The following POLR1C variants were observed in gnomAD, a reference collection of about 807,000 sequenced individuals.
The protein encoded by POLR1C is DNA-directed RNA polymerases I and III subunit RPAC1.
A neutral mutation model predicts 38.3 loss-of-function variants in POLR1C; 42 were observed. That is an observed-to-expected ratio of 1.10 (90% CI 0.86 to 1.42). The LOEUF is 1.42. POLR1C is among the 40% of genes most tolerant of loss of function. The pLI is 0.00. For missense variants in POLR1C, 507 were observed against 450.5 expected (o/e 1.13, Z -1.14); for synonymous variants, 163 against 163.9 (o/e 0.99, Z 0.04).
downstream of POLR1C, chr6:43,530,697 G>T: frequency 6.2e-7 from 1 of 1,613,928 alleles, no homozygotes; most frequent in Non-Finnish European, 8.5e-7. Flanking sequence ...TGAAGCATGG[G>T]TCTGAGTCGG....
At chr6:43,562,169 C>G (rs1036965746) in exon 11 of POLR1C, 3 of 1,134,636 alleles carry the variant, frequency 2.6e-6, no homozygotes, top group East Asian at 2.6e-5. Context: ...ACATTTGCAA[C>G]CCCTCATTGA....
intron 9 of POLR1C, chr6:43,549,956 GGTCACTCAT>G (rs1582224499): frequency 6.2e-7 from 1 of 1,610,064 alleles, no homozygotes; most frequent in African/African-American, 1.3e-5. Context: ...GAGGAAAAAA[GGTCACTCAT>G]GTTTATTTGT....
intron 9 of POLR1C, chr6:43,548,499 G>A: frequency 6.9e-7 from 1 of 1,457,976 alleles, no homozygotes; most frequent in Non-Finnish European, 9.1e-7. Context: ...GGTGGTAAAG[G>A]TCTGATTTTC....
chr6:43,529,848 C>G (rs1184091667), downstream of POLR1C, among the ~76,000 whole-genome samples: 1 of 150,228 alleles, frequency 6.7e-6, no homozygotes, highest in Non-Finnish European at 1.5e-5. Flanking sequence ...ATCACTTGAG[C>G]CTGCACTGAG....
At chr6:43,552,083 A>G (rs992162559) in intron 10 of POLR1C, among the ~76,000 whole-genome samples, 4 of 152,114 alleles carry the variant, frequency 2.6e-5, no homozygotes, top group Admixed American at 6.5e-5. Flanking sequence ...CAGCTACTTT[A>G]TTTATATATC....
At chr6:43,539,510 T>A (rs567439942) in intron 9 of POLR1C, 2 of 1,560,192 alleles carry the variant, frequency 1.3e-6, no homozygotes, top group African/African-American at 2.7e-5. Context: ...GCGGCCCAGC[T>A]TGGTGACGGG....
chr6:43,518,498 C>G (rs183336936), intron 2 of POLR1C, among the ~76,000 whole-genome samples: 1 of 152,134 alleles, frequency 6.6e-6, no homozygotes, highest in East Asian at 1.9e-4. Context: ...GAAATGAGAT[C>G]AGAAGTGAGA....
chr6:43,522,833 A>G, downstream of POLR1C: 1 of 308,136 alleles, frequency 3.2e-6, no homozygotes, highest in Non-Finnish European at 7.5e-6. Flanking sequence ...CAGGTCCCGT[A>G]TCCATGTCCT....
At chr6:43,556,366 A>C (rs1762088861) in intron 10 of POLR1C, among the ~76,000 whole-genome samples, 3 of 152,044 alleles carry the variant, frequency 2.0e-5, no homozygotes, top group South Asian at 4.2e-4. Flanking sequence ...TCTACCAAAA[A>C]ATACAAAAAG....
At chr6:43,531,646 C>A, downstream of POLR1C, 1 of 1,339,928 alleles carries the variant, frequency 7.5e-7, no homozygotes, top group Non-Finnish European at 1.1e-6. Context: ...CACTCTACAG[C>A]AGGAAGCTGT....
At chr6:43,526,622 T>C in intron 8 of POLR1C, 1 of 1,588,862 alleles carries the variant, frequency 6.3e-7, no homozygotes, top group Non-Finnish European at 8.6e-7. Context: ...ACTGACCTGG[T>C]TCAGAAGGAA....
downstream of POLR1C, among the ~76,000 whole-genome samples, chr6:43,530,480 A>G (rs149365486): frequency 1.6e-3 from 241 of 152,226 alleles, no homozygotes; most frequent in African/African-American, 5.4e-3. Context: ...GTAAAAATTT[A>G]CCCCTAAGGA....
intron 10 of POLR1C, chr6:43,555,677 T>A: frequency 1.3e-6 from 1 of 760,346 alleles, no homozygotes; most frequent in Admixed American, 3.4e-5. Flanking sequence ...TTTCTTTGTG[T>A]CAGCCAATGA....
At chr6:43,518,591 G>A (rs1455907436) in intron 2 of POLR1C, among the ~76,000 whole-genome samples, 2 of 152,186 alleles carry the variant, frequency 1.3e-5, no homozygotes, top group Non-Finnish European at 2.9e-5. Flanking sequence ...ACAAGAACCT[G>A]GCAAATTTAG....
At chr6:43,548,339 T>C in intron 9 of POLR1C, 2 of 1,613,672 alleles carry the variant, frequency 1.2e-6, no homozygotes, top group Middle Eastern at 1.7e-4. Flanking sequence ...ACGCTCGTAG[T>C]TCTTAAATTG....
chr6:43,558,855 T>A (rs902283707), intron 10 of POLR1C: 5 of 346,086 alleles, frequency 1.4e-5, no homozygotes, highest in African/African-American at 1.1e-4. Context: ...TGAATTCTTT[T>A]AAGGTCCCCA....
At chr6:43,555,703 A>C in intron 10 of POLR1C, 1 of 1,133,352 alleles carries the variant, frequency 8.8e-7, no homozygotes, top group South Asian at 2.5e-5. Flanking sequence ...CTCCCTCTCC[A>C]GGATGAGCAA....
intron 10 of POLR1C, chr6:43,551,563 C>A (rs1469499205): frequency 2.9e-6 from 4 of 1,375,366 alleles, no homozygotes; most frequent in Admixed American, 3.9e-5. Context: ...CATTCTGTCA[C>A]CTAGGCTGGA....
downstream of POLR1C, among the ~76,000 whole-genome samples, chr6:43,531,115 C>T (rs1355434444): frequency 6.6e-6 from 1 of 152,172 alleles, no homozygotes; most frequent in East Asian, 1.9e-4. Context: ...GGGCCAGTTA[C>T]CTCCCCAACC....
Sources: gnomAD v4.1 joint callset for allele counts (sites outside exome capture counted in the v4.1 genomes callset) on GRCh38, gnomAD v4.1.1 for gene constraint, MANE v1.5 for transcripts, NCBI Gene and HGNC (gene_info 2026-07-23, HGNC 2026-07-21) for gene names.